SAMD4A: variants seen among roughly 807,000 people sequenced by gnomAD.
The protein encoded by SAMD4A is sterile alpha motif domain containing 4A, also known as protein Smaug homolog 1.
A neutral mutation model predicts 81.3 loss-of-function variants in SAMD4A; 33 were observed. That is an observed-to-expected ratio of 0.41 (90% confidence interval 0.31 to 0.54). The LOEUF is 0.54. SAMD4A is among the 20% of genes least tolerant of loss of function. The pLI is 0.37. For missense variants in SAMD4A, 854 were observed against 951.1 expected (o/e 0.90, Z 1.34); for synonymous variants, 389 against 382.1 (o/e 1.02, Z -0.21).
chr14:54,759,342 C>G (rs112777537), intron 6 of SAMD4A, among the ~76,000 whole-genome samples: 3 of 152,166 alleles, frequency 2.0e-5, no homozygotes, highest in African/African-American at 4.8e-5. Flanking sequence ...CCATCGCAGG[C>G]CTCCTTGCTG....
At chr14:54,587,434 A>T (rs945327439) in intron 2 of SAMD4A, among the ~76,000 whole-genome samples, 19 of 152,150 alleles carry the variant, frequency 1.2e-4, no homozygotes, top group African/African-American at 4.1e-4. Flanking sequence ...CTCTTGTTTG[A>T]TTGCTCCAGC....
chr14:54,749,216 G>T (rs2038038357), intron 5 of SAMD4A, among the ~76,000 whole-genome samples: 1 of 152,200 alleles, frequency 6.6e-6, no homozygotes, highest in African/African-American at 2.4e-5. Flanking sequence ...AGGTGCCAGG[G>T]AGGAATCGGT....
intron 6 of SAMD4A, among the ~76,000 whole-genome samples, chr14:54,752,919 G>A (rs1484078986): frequency 1.1e-4 from 17 of 152,354 alleles, no homozygotes; most frequent in African/African-American, 4.1e-4. Flanking sequence ...GGACGTACAC[G>A]TAAGCCAGAT....
Position 54,748,800 on chromosome 14 carries a change from C to T in SAMD4A, c.980-15C>T. 1 of 1,530,954 alleles carries T rather than the reference C, an allele frequency of 6.5e-7. No homozygotes were observed. The highest frequency in any genetic ancestry group is 1.4e-5 in the African/African-American group (1 of 72,684). 94.8% of individuals were successfully genotyped at this position (1,530,954 alleles called of 1,614,324 possible). A position where few individuals can be genotyped will look rare whatever the true frequency, so the allele number is the denominator to read the frequency against. On this transcript the variant is annotated splice_polypyrimidine_tract_variant and intron_variant, in intron 4 of 12. Coordinates refer to ENST00000554335, the MANE Select transcript of SAMD4A (RefSeq NM_015589.6). ...CTCATTTCTCTCCCCATCTCTTGCA[C>T]ATCTTGCACCACAGATGTTCCAGCC... is the stretch of plus-strand genomic sequence containing the variant.
chr14:54,764,291 A>G (rs558177321), intron 7 of SAMD4A, among the ~76,000 whole-genome samples, 164 bp from the exon 8 acceptor site: 17 of 152,270 alleles, frequency 1.1e-4, no homozygotes, highest in Non-Finnish European at 2.2e-4. Context: ...CCAGCCTTTG[A>G]CTTCTGTGGA....
At chr14:54,691,956 C>T (rs987255596) in intron 2 of SAMD4A, among the ~76,000 whole-genome samples, 3 of 152,214 alleles carry the variant, frequency 2.0e-5, no homozygotes, top group Admixed American at 6.5e-5. Context: ...ATATTTCATA[C>T]CTAAATGAGT....
intron 4 of SAMD4A, among the ~76,000 whole-genome samples, chr14:54,748,460 C>T (rs1022230572): frequency 6.6e-6 from 1 of 152,180 alleles, no homozygotes; most frequent in African/African-American, 2.4e-5. Context: ...GTCATGAACC[C>T]CTTTGGGAAT....
chr14:54,685,274 GC>G (rs11323277), intron 2 of SAMD4A, among the ~76,000 whole-genome samples: 94,795 of 140,422 alleles, frequency 0.68, 32,675 homozygotes, highest in Non-Finnish European at 0.78. Flanking sequence ...CATTCTTCCT[GC>G]CCCCCCCCCC....
chr14:54,757,428 T>TG (rs1555351334), intron 6 of SAMD4A, among the ~76,000 whole-genome samples: 48 of 133,904 alleles, frequency 3.6e-4, no homozygotes, highest in African/African-American at 1.2e-3. Context: ...TGTGTGTGTG[T>TG]TTTGTTTTGT....
chr14:54,586,349 T>G (rs540413158), intron 2 of SAMD4A, among the ~76,000 whole-genome samples: 4 of 152,374 alleles, frequency 2.6e-5, no homozygotes, highest in African/African-American at 9.6e-5. Flanking sequence ...ATGTATAGAT[T>G]GTGAAAATTT....
Position 54,751,519 on chromosome 14 carries a change from C to G in SAMD4A, c.1158C>G (p.Leu386=), listed in dbSNP as rs1346005047. 1 of 1,605,700 alleles carries G rather than the reference C, an allele frequency of 6.2e-7. No individual in the cohort carries two copies. The highest frequency in any genetic ancestry group is 1.1e-5 in the South Asian group (1 of 90,090). Residue 386 remains leucine, a synonymous_variant, in exon 6 of 13, where the codon CTC becomes CTG. Coordinates refer to ENST00000554335, the MANE Select transcript of SAMD4A (RefSeq NM_015589.6). ...SIQKLKERQN[L]LKSLERDIIE... is the part of the protein sequence containing the mutation. ...AGAAGCTCAAAGAAAGACAAAATCT[C>G]CTGAAGTCTTTGGAAAGGGTAAGTT...
intron 2 of SAMD4A, among the ~76,000 whole-genome samples, chr14:54,651,461 T>C (rs575989900): frequency 6.7e-6 from 1 of 149,892 alleles, no homozygotes; most frequent in African/African-American, 2.5e-5. Context: ...AGTTTTGTTG[T>C]CATTTAACAG....
intron 7 of SAMD4A, among the ~76,000 whole-genome samples, chr14:54,763,688 A>C (rs2038463467): frequency 6.6e-6 from 1 of 151,946 alleles, no homozygotes; most frequent in African/African-American, 2.4e-5. Flanking sequence ...TCTCTGGCTG[A>C]CTCCTTTTGT....
Position 54,725,842 on chromosome 14 carries a change from ATTC to A in SAMD4A, c.716-11177_716-11175del, listed in dbSNP as rs533361058. On this transcript the variant is annotated intron_variant, in intron 3 of 12. Coordinates refer to ENST00000554335, the MANE Select transcript of SAMD4A (RefSeq NM_015589.6). ...ACATGACTTCCAACTCAAATCCCAA[ATTC>A]TTCTCCCTTCAGCAGTCCGTTTTTG... is the stretch of plus-strand genomic sequence containing the variant. Among the ~76,000 whole-genome samples the A allele has an allele frequency of 1.1e-4, 17 of 152,310 alleles. No homozygotes were observed. The South Asian group carries it at 1.5e-3, about 13-fold the overall frequency.
Position 54,675,367 on chromosome 14 carries a change from C to CAAAAAAAAAAAAAAAAAA in SAMD4A, c.197-26692_197-26675dup, listed in dbSNP as rs59110762. Among the ~76,000 whole-genome samples, 587 of 75,320 alleles carry CAAAAAAAAAAAAAAAAAA rather than the reference C, an allele frequency of 7.8e-3. 34 individuals are homozygous for CAAAAAAAAAAAAAAAAAA. Among genetic ancestry groups the CAAAAAAAAAAAAAAAAAA allele is most frequent in the East Asian group, 0.013 (22 of 1,630 alleles). The allele number at this position is 75,320 out of a possible 152,430, so 49.4% of individuals were successfully genotyped here. A position where few individuals can be genotyped will look rare whatever the true frequency, so the allele number is the denominator to read the frequency against. On this transcript the variant is annotated intron_variant, in intron 2 of 12. Transcript: ENST00000554335. ...GGCAACAAGAGTGAAACTCCGTCTC[C>CAAAAAAAAAAAAAAAAAA]AAAAAAAAAAAAAAAAAAAAGGCAG...
rs2037717984 is a variant in SAMD4A, at chr14:54,737,183, C to T, written c.875C>T (p.Ser292Phe). ...QCLPSDHAPLSPQSSVASSGS... is the reference protein window; with the variant it reads ...QCLPSDHAPLFPQSSVASSGS... ...CTCCCATCCGATCATGCCCCCCTGT[C>T]TCCACAAAGCAGTGTAGCCTCTTCA... is the stretch of plus-strand genomic sequence containing the variant. Residue 292 changes from serine to phenylalanine, a missense_variant, in exon 4 of 13, where the codon TCT becomes TTT. By Grantham distance (155) the Ser-to-Phe change is radical. Transcript: ENST00000554335. The T allele has an allele frequency of 6.2e-7, 1 of 1,614,132 alleles. No homozygotes were observed. Among genetic ancestry groups the T allele is most frequent in the Non-Finnish European group, 8.5e-7 (1 of 1,180,026 alleles).
chr14:54,660,035 C>T (rs755528328), intron 2 of SAMD4A, among the ~76,000 whole-genome samples: 4 of 151,810 alleles, frequency 2.6e-5, no homozygotes, highest in Admixed American at 2.0e-4. Context: ...GAGCCGAGAT[C>T]GCCCCACTGC....
intron 3 of SAMD4A, among the ~76,000 whole-genome samples, chr14:54,713,453 A>G (rs1371478669): frequency 6.6e-6 from 1 of 152,192 alleles, no homozygotes; most frequent in African/African-American, 2.4e-5. Flanking sequence ...AGGGGGCTCC[A>G]AAATCTGGAA....
chr14:54,646,561 G>A (rs1267364954), intron 2 of SAMD4A, among the ~76,000 whole-genome samples: 1 of 152,224 alleles, frequency 6.6e-6, no homozygotes, highest in Non-Finnish European at 1.5e-5. Context: ...AGCAAGAGAA[G>A]AATGGATGGC....
Sources: allele counts gnomAD v4.1 joint callset (sites outside exome capture counted in the v4.1 genomes callset), GRCh38; gene constraint gnomAD v4.1.1; transcripts MANE v1.5; gene names NCBI Gene and HGNC (gene_info 2026-07-23, HGNC 2026-07-21).